The following PCDHGA4 variants were observed in gnomAD, a reference collection of about 807,000 sequenced individuals.
PCDHGA4 encodes the protein protocadherin gamma-A4.
PCDHGA4 carries 38 observed loss-of-function variants against 54.6 expected under a neutral mutation model. The observed-to-expected ratio is 0.70, with a 90% CI of 0.54 to 0.91. The LOEUF (loss-of-function observed/expected upper bound fraction) is 0.91, where lower values mean the gene tolerates loss of function less well. PCDHGA4 is among the 40% of genes least tolerant of loss of function. The pLI, the probability that PCDHGA4 is intolerant of heterozygous loss-of-function variation, is 0.00. For synonymous variants in PCDHGA4, 511 were observed against 512.9 expected (o/e 1.00, Z 0.05); for missense variants, 1,298 against 1,220.9 (o/e 1.06, Z -0.94).
intron 1 of PCDHGA4, chr5:141,383,991 A>G: frequency 6.2e-7 from 1 of 1,613,866 alleles, no homozygotes; most frequent in Non-Finnish European, 8.5e-7. Context: ...CTCTTGGGAC[A>G]GTCATTGCTC....
At chr5:141,394,513 T>C in intron 1 of PCDHGA4, 1 of 1,614,112 alleles carries the variant, frequency 6.2e-7, no homozygotes, top group Non-Finnish European at 8.5e-7. Flanking sequence ...TACCCCGCCC[T>C]CCCCACAGAC....
intron 1 of PCDHGA4, among the ~76,000 whole-genome samples, chr5:141,482,178 C>T (rs950570560): frequency 2.6e-5 from 4 of 151,968 alleles, no homozygotes; most frequent in African/African-American, 4.8e-5. Context: ...TAAGGCTTTA[C>T]GATGCTCCAG....
rs148279287 is a variant in PCDHGA4 at position 141,389,277 on chromosome 5, C to T, written c.2514+31656C>T. ...AGTCCACGTGGCCGAGAACAACCCG[C>T]CTGGAGCCTCTATTTCACAAGTCAG... On this transcript the variant is annotated intron_variant, in intron 1 of 3. Transcript: ENST00000571252. 7,343 of 1,614,014 alleles carry T rather than the reference C, an allele frequency of 4.5e-3. 34 individuals are homozygous for T. Among genetic ancestry groups the T allele is most frequent in the Middle Eastern group, 0.015 (93 of 6,062 alleles).
intron 1 of PCDHGA4, chr5:141,403,943 A>T: frequency 6.2e-7 from 1 of 1,613,934 alleles, no homozygotes; most frequent in Non-Finnish European, 8.5e-7. Context: ...GAAAGGGTGG[A>T]CAAAAGTGCT....
chr5:141,400,361 C>G (rs776965891), intron 1 of PCDHGA4: 3 of 1,613,952 alleles, frequency 1.9e-6, no homozygotes, highest in Non-Finnish European at 2.5e-6. Flanking sequence ...GGGACTTTGC[C>G]TTATTCCTAC....
In PCDHGA4 at chr5:141,428,146, C is replaced by G. The variant is rs549173211; in HGVS notation, c.2515-66661C>G. The G allele has an allele frequency of 1.3e-5, 21 of 1,589,348 alleles. No individual in the cohort carries two copies. The East Asian group carries it at 4.0e-4, about 30-fold the overall frequency. Reference sequence around the variant, plus strand: ...GGGCTTTTCAGCCTGGGGCTGCACACGGGAACCTGCTGGTTGCTGTGCGTG... The same window carrying G: ...GGGCTTTTCAGCCTGGGGCTGCACAGGGGAACCTGCTGGTTGCTGTGCGTG... On this transcript the variant is annotated intron_variant, in intron 1 of 3. Transcript: ENST00000571252.
Position 141,476,944 on chromosome 5 carries a change from C to A in PCDHGA4, c.2515-17863C>A. The A allele has an allele frequency of 1.9e-6, 3 of 1,614,188 alleles. No individual in the cohort carries two copies. The highest frequency in any genetic ancestry group is 2.5e-6 in the Non-Finnish European group (3 of 1,180,044). ...CAACGGATCTGGATGAAGGCCCCAA[C>A]GGTGAAATTATTTACTCCTTCGGCA... On this transcript the variant is annotated intron_variant, in intron 1 of 3. Transcript: ENST00000571252. This position sits in a 1 kb window ranked among gnomAD's most constrained non-coding sequence, Gnocchi z 7.6.
Position 141,364,754 on chromosome 5 carries a change from G to T in PCDHGA4, c.2514+7133G>T. ...CCGGGATGAAGAGTTAAAAGTAAAA[G>T]TTAATGAAAATGCGGCTGCAGGGAC... On this transcript the variant is annotated intron_variant, in intron 1 of 3. Transcript: ENST00000571252. The T allele has an allele frequency of 6.2e-7, 1 of 1,613,988 alleles. No individual in the cohort carries two copies. The highest frequency in any genetic ancestry group is 8.5e-7 in the Non-Finnish European group (1 of 1,179,900).
Position 141,486,453 on chromosome 5 carries a change from C to T in PCDHGA4, c.2515-8354C>T, listed in dbSNP as rs776820667. 6.2e-6 allele frequency: 10 copies of T among 1,614,114 alleles called. No homozygotes were observed. The highest frequency in any genetic ancestry group is 1.1e-5 in the South Asian group (1 of 91,082). On this transcript the variant is annotated intron_variant, in intron 1 of 3. Transcript: ENST00000571252. The surrounding 1 kb of genome is among the most constrained non-coding windows in gnomAD (Gnocchi z 5.0). ...TCTAGCTATGACATCATGGTCACTGCTTCTGATGCTGGGAACCCTCCTCTC... is the reference window on the plus strand; with the variant it reads ...TCTAGCTATGACATCATGGTCACTGTTTCTGATGCTGGGAACCCTCCTCTC...
intron 2 of PCDHGA4, among the ~76,000 whole-genome samples, chr5:141,498,882 G>A (rs1287566657): frequency 6.8e-6 from 1 of 147,420 alleles, no homozygotes; most frequent in African/African-American, 2.5e-5. Context: ...GCAGTGAGCT[G>A]AGATCACACC....
chr5:141,423,149 A>G (rs763488632), intron 1 of PCDHGA4: 2 of 1,613,554 alleles, frequency 1.2e-6, no homozygotes, highest in Non-Finnish European at 8.5e-7. Context: ...GCGCTCAAGC[A>G]GAGCCTCGTG....
intron 1 of PCDHGA4, chr5:141,427,490 T>C (rs752745429): frequency 1.8e-6 from 1 of 551,082 alleles, no homozygotes; most frequent in Non-Finnish European, 3.5e-6. Flanking sequence ...ACTATAAGCT[T>C]GTAACAGATG....
Position 141,356,256 on chromosome 5 carries a change from CA to C in PCDHGA4, c.1150del (p.Thr384ProfsTer13), listed in dbSNP as rs1760169250. On this transcript the variant is annotated frameshift_variant, in exon 1 of 4. Coordinates refer to ENST00000571252, the MANE Select transcript of PCDHGA4 (RefSeq NM_018917.4). LOFTEE classifies it high-confidence loss of function. ...NAPEVTVTSL[T>X]SSVQESSSPG... ...CACCAGAAGTCACAGTTACATCTCT[CA>C]CCAGCTCAGTCCAGGAATCTTCTTC... The C allele has an allele frequency of 6.4e-7, 1 of 1,570,702 alleles. No individual in the cohort carries two copies. The highest frequency in any genetic ancestry group is 1.2e-5 in the South Asian group (1 of 85,782).
chr5:141,478,244 T>C lies in PCDHGA4; in HGVS notation c.2515-16563T>C, dbSNP rs758993366. ...TTCTGTGGGGTTTGTGGTCACAGTG[T>C]TCGGAGTAATCATATTCAAAGTTTA... On this transcript the variant is annotated intron_variant, in intron 1 of 3. Coordinates refer to ENST00000571252, the MANE Select transcript of PCDHGA4 (RefSeq NM_018917.4). 5 of 1,614,132 alleles carry C rather than the reference T, an allele frequency of 3.1e-6. No individual in the cohort carries two copies. In the South Asian group the frequency reaches 4.4e-5, roughly 14 times the overall value.
chr5:141,450,831 T>TATTA (rs761717068), intron 1 of PCDHGA4, among the ~76,000 whole-genome samples: 2 of 144,580 alleles, frequency 1.4e-5, no homozygotes, highest in South Asian at 2.2e-4. Flanking sequence ...TTATTATTAT[T>TATTA]TTTTTTTTTT....
rs145813962 is a variant in PCDHGA4 at position 141,377,375 on chromosome 5, G to A, written c.2514+19754G>A. 13 of 152,264 alleles carry A rather than the reference G, an allele frequency of 8.5e-5. No individual in the cohort carries two copies. The East Asian group carries it at 1.2e-3, about 14-fold the overall frequency. The allele number at this position is 152,264 out of a possible 1,614,324, so 9.4% of individuals were successfully genotyped here. ...AATCCCACCTCTTCAGGAGGCTGAG[G>A]CAGGAGGATCCCTTGAGACCAGGAG... On this transcript the variant is annotated intron_variant, in intron 1 of 3. Transcript: ENST00000571252.
intron 1 of PCDHGA4, among the ~76,000 whole-genome samples, chr5:141,444,062 A>G (rs1335403906): frequency 6.7e-6 from 1 of 149,402 alleles, no homozygotes; most frequent in African/African-American, 2.5e-5. Context: ...TTCAATCTAG[A>G]TTCTGATGCT....
intron 1 of PCDHGA4, chr5:141,416,557 T>C (rs1428283225): frequency 3.9e-5 from 6 of 152,112 alleles, no homozygotes; most frequent in Non-Finnish European, 8.8e-5. Flanking sequence ...CCTGAAACTC[T>C]GAAAACTCTG....
At position 141,471,055 on chromosome 5, in the gene PCDHGA4, T is replaced by C. The variant is rs1229791864; in HGVS notation, c.2515-23752T>C. Reference sequence around the variant, plus strand: ...AACAAGCCCAAGCCCTCTTTTTTTTTTTTTTTTTTTTGAGACAGGGTCTCC... The same window carrying C: ...AACAAGCCCAAGCCCTCTTTTTTTTCTTTTTTTTTTTGAGACAGGGTCTCC... On this transcript the variant is annotated intron_variant, in intron 1 of 3. Coordinates refer to ENST00000571252, the MANE Select transcript of PCDHGA4 (RefSeq NM_018917.4). Among the ~76,000 whole-genome samples the C allele has an allele frequency of 1.7e-4, 25 of 148,764 alleles. 2 individuals are homozygous for C. The Admixed American group carries it at 1.7e-3, about 10-fold the overall frequency.
Sources: allele counts gnomAD v4.1 joint callset (sites outside exome capture counted in the v4.1 genomes callset), GRCh38; gene constraint gnomAD v4.1.1; non-coding constraint Gnocchi (gnomAD v3.1); transcripts MANE v1.5; gene names NCBI Gene and HGNC (gene_info 2026-07-23, HGNC 2026-07-21).